The following ACTN2 variants were observed in gnomAD, a reference collection of about 807,000 sequenced individuals.
ACTN2 encodes actinin alpha 2, also known as alpha-actinin-2.
A neutral mutation model predicts 113.8 loss-of-function variants in ACTN2; 39 were observed. The observed-to-expected ratio is 0.34, with a 90% CI of 0.27 to 0.45. The LOEUF (loss-of-function observed/expected upper bound fraction) is 0.45, where lower values mean the gene tolerates loss of function less well. Ranked by LOEUF, ACTN2 falls within the 20% of genes least tolerant of loss-of-function variation. The pLI is 1.00. For synonymous variants in ACTN2, 429 were observed against 444.1 expected, an observed-to-expected ratio of 0.97 and a Z score of 0.43; for missense variants, 992 against 1,177.9, an observed-to-expected ratio of 0.84 and a Z score of 2.31.
At chr1:236,718,156 T>C (rs567763820) in intron 2 of ACTN2, among the ~76,000 whole-genome samples, 184 bp downstream of exon 2, 1 of 152,134 alleles carries the variant, frequency 6.6e-6, no homozygotes, top group Admixed American at 6.5e-5. Flanking sequence ...AAAAAAGGAG[T>C]GAATTCTCTT....
At chr1:236,703,193 T>C (rs1226467470) in intron 1 of ACTN2, among the ~76,000 whole-genome samples, 1 of 152,134 alleles carries the variant, frequency 6.6e-6, no homozygotes, top group Admixed American at 6.5e-5. Context: ...AACAAGTTAT[T>C]TTGAGAAGCA....
intron 12 of ACTN2, among the ~76,000 whole-genome samples, chr1:236,746,109 T>C (rs914807813): frequency 2.3e-5 from 3 of 131,104 alleles, no homozygotes; most frequent in Non-Finnish European, 4.6e-5. Flanking sequence ...GAACTTGCAG[T>C]GAGCCGAGAT....
At chr1:236,745,821 T>C (rs1385106950) in intron 12 of ACTN2, among the ~76,000 whole-genome samples, 1 of 152,170 alleles carries the variant, frequency 6.6e-6, no homozygotes, top group East Asian at 1.9e-4. Flanking sequence ...TAATGGTAAC[T>C]TCAAAAATTA....
intron 4 of ACTN2, 145 bp from the exon 5 acceptor site, chr1:236,725,788 T>A: frequency 1.3e-6 from 1 of 769,184 alleles, no homozygotes; most frequent in Non-Finnish European, 2.4e-6. Context: ...AGATCAGGGT[T>A]CTGGCTCCTA....
chr1:236,691,651 TA>T (rs1666086711), intron 1 of ACTN2, among the ~76,000 whole-genome samples: 1 of 151,814 alleles, frequency 6.6e-6, no homozygotes, highest in Non-Finnish European at 1.5e-5. Flanking sequence ...TCTCAAAAAA[TA>T]AAAAAATAAT....
At chr1:236,710,274 G>C (rs892656604) in intron 1 of ACTN2, among the ~76,000 whole-genome samples, 9 of 152,142 alleles carry the variant, frequency 5.9e-5, no homozygotes, top group Non-Finnish European at 1.3e-4. Flanking sequence ...TATGATGTAG[G>C]CTTCATTAAC....
chr1:236,709,809 C>T (rs1327239798), intron 1 of ACTN2, among the ~76,000 whole-genome samples: 2 of 152,156 alleles, frequency 1.3e-5, no homozygotes, highest in Admixed American at 6.5e-5. Flanking sequence ...CCTCAGCAGA[C>T]TCTGGTTCAT....
rs12030330 is a variant in ACTN2, at chr1:236,711,996, G to C, written c.127-5862G>C. On this transcript the variant is annotated intron_variant, in intron 1 of 20. Coordinates refer to ENST00000366578, the MANE Select transcript of ACTN2 (RefSeq NM_001103.4). The stretch of plus-strand genomic sequence containing the variant: ...CCCTTAAGAAAGGACATATGGCTTG[G>C]TAATCTGTTTTAAGCCAAAGAGCCT... Among the ~76,000 whole-genome samples the C allele has an allele frequency of 8.1e-3, 1,238 of 152,286 alleles. 44 individuals carry two copies. In the East Asian group the frequency reaches 0.12, roughly 15 times the overall value.
chr1:236,724,787 AC>A (rs1179758377), intron 4 of ACTN2, among the ~76,000 whole-genome samples: 3 of 141,882 alleles, frequency 2.1e-5, no homozygotes, highest in African/African-American at 7.8e-5. Flanking sequence ...AAGCCGTGGG[AC>A]GTCTGAGCGG....
At chr1:236,722,364 C>T (rs893838232) in intron 4 of ACTN2, among the ~76,000 whole-genome samples, 9 of 152,058 alleles carry the variant, frequency 5.9e-5, no homozygotes, top group South Asian at 2.1e-4. Flanking sequence ...AGGCCGGGCG[C>T]GGTGGCTCAC....
At chr1:236,707,032 A>C (rs1421694409) in intron 1 of ACTN2, among the ~76,000 whole-genome samples, 1 of 152,234 alleles carries the variant, frequency 6.6e-6, no homozygotes, top group African/African-American at 2.4e-5. Context: ...GCCTTTTTAC[A>C]AGAGTTAATT....
intron 10 of ACTN2, among the ~76,000 whole-genome samples, chr1:236,742,668 C>G (rs577609693): frequency 6.6e-6 from 1 of 152,286 alleles, no homozygotes; most frequent in African/African-American, 2.4e-5. Context: ...GTCAGGATCG[C>G]TGATAACAAC....
intron 1 of ACTN2, among the ~76,000 whole-genome samples, chr1:236,703,433 C>CTTTTTT (rs35432183): frequency 5.1e-5 from 5 of 98,834 alleles, no homozygotes; most frequent in East Asian, 5.9e-4. Context: ...GGCCTACTAC[C>CTTTTTT]TTTTTTTTTT....
intron 1 of ACTN2, among the ~76,000 whole-genome samples, chr1:236,694,664 G>A (rs1657427355): frequency 6.6e-6 from 1 of 152,120 alleles, no homozygotes; most frequent in African/African-American, 2.4e-5. Context: ...AGCTCTGAAT[G>A]TGTTAACTCC....
intron 1 of ACTN2, among the ~76,000 whole-genome samples, chr1:236,692,022 C>T (rs1054490504): frequency 6.6e-6 from 1 of 152,234 alleles, no homozygotes; most frequent in Non-Finnish European, 1.5e-5. Flanking sequence ...GTTTTTTGAG[C>T]TGGGAAGACC....
chr1:236,748,897 A>G (rs530498953), intron 13 of ACTN2, among the ~76,000 whole-genome samples: 23 of 152,350 alleles, frequency 1.5e-4, no homozygotes, highest in Non-Finnish European at 2.6e-4. Context: ...CACTTTAAAA[A>G]TGAGGCTGCT....
chr1:236,746,139 C>G (rs977263729), intron 12 of ACTN2, among the ~76,000 whole-genome samples: 13 of 140,616 alleles, frequency 9.2e-5, no homozygotes, highest in African/African-American at 3.0e-4. Flanking sequence ...GCACTCCAGC[C>G]TGGGCGACAG....
intron 8 of ACTN2, chr1:236,736,874 C>A: frequency 1.7e-6 from 1 of 604,430 alleles, no homozygotes; most frequent in African/African-American, 1.8e-5. Flanking sequence ...GACTAATGCT[C>A]TCTCCCCGTT....
At chr1:236,710,450 G>A (rs1293438316) in intron 1 of ACTN2, among the ~76,000 whole-genome samples, 1 of 152,190 alleles carries the variant, frequency 6.6e-6, no homozygotes, top group Non-Finnish European at 1.5e-5. Context: ...AGTTCCCATG[G>A]ATTAGGGACT....
Sources: gnomAD v4.1 joint callset for allele counts (sites outside exome capture counted in the v4.1 genomes callset) on GRCh38, gnomAD v4.1.1 for gene constraint, MANE v1.5 for transcripts, NCBI Gene and HGNC (gene_info 2026-07-23, HGNC 2026-07-21) for gene names.